The following DNER variants were observed in gnomAD, a reference collection of about 807,000 sequenced individuals.
DNER encodes the protein delta and Notch-like epidermal growth factor-related receptor.
A neutral mutation model predicts 78.2 loss-of-function variants in DNER; 33 were observed. The observed-to-expected ratio is 0.42, with a 90% CI of 0.32 to 0.56. The LOEUF is 0.56. DNER is among the 20% of genes least tolerant of loss of function. The pLI is 0.11. For synonymous variants in DNER, 417 were observed against 384.8 expected (o/e 1.08, Z -0.98); for missense variants, 918 against 975.3 (o/e 0.94, Z 0.78).
intron 4 of DNER, among the ~76,000 whole-genome samples, chr2:229,553,882 G>A (rs1696796343): frequency 6.6e-6 from 1 of 152,204 alleles, no homozygotes; most frequent in African/African-American, 2.4e-5. Flanking sequence ...TTGGGACAGA[G>A]GAAGACACGG....
intron 6 of DNER, among the ~76,000 whole-genome samples, chr2:229,494,995 C>T (rs1695470420): frequency 6.6e-6 from 1 of 152,136 alleles, no homozygotes; most frequent in Admixed American, 6.5e-5. Context: ...CAAATGGTTC[C>T]TCAGCCACAA....
intron 1 of DNER, among the ~76,000 whole-genome samples, chr2:229,622,073 G>A (rs1053601922): frequency 2.0e-5 from 3 of 152,142 alleles, no homozygotes; most frequent in African/African-American, 4.8e-5. Flanking sequence ...GCGACAGAGC[G>A]AGACTCCGTC....
At chr2:229,503,336 A>G (rs1400849261) in intron 6 of DNER, among the ~76,000 whole-genome samples, 1 of 152,118 alleles carries the variant, frequency 6.6e-6, no homozygotes, top group Non-Finnish European at 1.5e-5. Context: ...TTGCTGGACT[A>G]GCATTGTTAC....
intron 9 of DNER, 22 bp from the exon 10 acceptor site, chr2:229,407,367 A>G: frequency 6.2e-7 from 1 of 1,604,982 alleles, no homozygotes; most frequent in Non-Finnish European, 8.5e-7. Flanking sequence ...CAAGCAAAAC[A>G]GGATGACTCA....
intron 1 of DNER, among the ~76,000 whole-genome samples, chr2:229,710,562 T>C (rs1454219366): frequency 6.6e-6 from 1 of 152,170 alleles, no homozygotes; most frequent in African/African-American, 2.4e-5. Flanking sequence ...ACGTGGCAAG[T>C]GCTTAAAAGG....
intron 4 of DNER, among the ~76,000 whole-genome samples, chr2:229,556,706 G>T (rs1332114756): frequency 6.6e-6 from 1 of 152,184 alleles, no homozygotes; most frequent in Non-Finnish European, 1.5e-5. Flanking sequence ...AATGGTTTCT[G>T]TATTAGCTTT....
intron 1 of DNER, among the ~76,000 whole-genome samples, chr2:229,625,493 GT>G (rs1698322466): frequency 6.6e-6 from 1 of 152,170 alleles, no homozygotes; most frequent in South Asian, 2.1e-4. Flanking sequence ...CGGTCACCGA[GT>G]CATATCAAAG....
At chr2:229,523,939 C>T (rs1277892900) in intron 5 of DNER, among the ~76,000 whole-genome samples, 5 of 152,244 alleles carry the variant, frequency 3.3e-5, no homozygotes, top group Admixed American at 3.3e-4. Flanking sequence ...ATCATCTTCA[C>T]TGTGAATATT....
At chr2:229,551,332 A>G (rs1696731533) in intron 4 of DNER, among the ~76,000 whole-genome samples, 1 of 152,192 alleles carries the variant, frequency 6.6e-6, no homozygotes, top group South Asian at 2.1e-4. Flanking sequence ...GGAAGTGCCC[A>G]CATTAAGTAA....
At chr2:229,359,311 A>G (rs1692161457) in intron 12 of DNER, among the ~76,000 whole-genome samples, 1 of 152,222 alleles carries the variant, frequency 6.6e-6, no homozygotes, top group African/African-American at 2.4e-5. Flanking sequence ...GTATGTATCA[A>G]AATTGCCTCG....
At chr2:229,489,737 A>G (rs1261233652) in intron 6 of DNER, among the ~76,000 whole-genome samples, 1 of 151,974 alleles carries the variant, frequency 6.6e-6, no homozygotes, top group Non-Finnish European at 1.5e-5. Context: ...AGAGGGTGGG[A>G]GAGGTCTCAG....
intron 10 of DNER, among the ~76,000 whole-genome samples, chr2:229,388,933 G>A (rs949914741): frequency 6.6e-6 from 1 of 151,950 alleles, no homozygotes; most frequent in Middle Eastern, 3.2e-3. Context: ...CTCTTCTCTG[G>A]ATAGTTCTAG....
chr2:229,432,228 A>G (rs145983608), intron 8 of DNER, among the ~76,000 whole-genome samples: 1,636 of 152,330 alleles, frequency 0.011, 17 homozygotes, highest in Non-Finnish European at 0.013. Context: ...TTATAAACAC[A>G]TAAAAATGGC....
At chr2:229,376,978 G>A (rs376221121) in intron 11 of DNER, among the ~76,000 whole-genome samples, 28 of 152,086 alleles carry the variant, frequency 1.8e-4, no homozygotes, top group African/African-American at 6.0e-4. Context: ...ATTGTTAAAG[G>A]AAGAGGCCCA....
chr2:229,662,349 A>G (rs1188476119), intron 1 of DNER, among the ~76,000 whole-genome samples: 2 of 152,234 alleles, frequency 1.3e-5, no homozygotes, highest in Non-Finnish European at 2.9e-5. Flanking sequence ...GACCTAAGGA[A>G]AAAGATAACT....
In DNER at chr2:229,594,952, T is replaced by TAAAA. The variant is rs200824543; in HGVS notation, c.277-3068_277-3065dup. On this transcript the variant is annotated intron_variant, in intron 1 of 12. Transcript: ENST00000341772. ...CCAGGTCTCGGTATAAAATGCTGTT[T>TAAAA]AAAAAAAAAAAAAAAAAAAAAAAAA... is the stretch of plus-strand genomic sequence containing the variant. Among the ~76,000 whole-genome samples, 31 of 102,692 alleles carry TAAAA rather than the reference T, an allele frequency of 3.0e-4. 1 individual carries two copies. The highest frequency in any genetic ancestry group is 9.4e-4 in the African/African-American group (28 of 29,802). The allele number at this position is 102,692 out of a possible 152,430, so 67.4% of individuals were successfully genotyped here.
intron 8 of DNER, among the ~76,000 whole-genome samples, chr2:229,427,982 G>T (rs1472982038): frequency 6.6e-6 from 1 of 151,878 alleles, no homozygotes; most frequent in Non-Finnish European, 1.5e-5. Context: ...GGCTGAGGCG[G>T]GAGAATTGCT....
intron 6 of DNER, among the ~76,000 whole-genome samples, chr2:229,507,891 G>C (rs1483998805): frequency 6.6e-6 from 1 of 152,154 alleles, no homozygotes; most frequent in Non-Finnish European, 1.5e-5. Flanking sequence ...AGTAAAGTTT[G>C]AGAAATATAA....
intron 5 of DNER, among the ~76,000 whole-genome samples, chr2:229,534,656 A>G (rs1191999628): frequency 6.6e-6 from 1 of 152,206 alleles, no homozygotes; most frequent in Non-Finnish European, 1.5e-5. Context: ...AAGCAAATGT[A>G]AAAATCCAGC....
Sources: gnomAD v4.1 joint callset for allele counts (sites outside exome capture counted in the v4.1 genomes callset) on GRCh38, gnomAD v4.1.1 for gene constraint, MANE v1.5 for transcripts, NCBI Gene and HGNC (gene_info 2026-07-23, HGNC 2026-07-21) for gene names.